ZNF385D: variants seen among roughly 807,000 people sequenced by gnomAD.
ZNF385D encodes zinc finger protein 659.
In ZNF385D, 15 loss-of-function variants were observed where a neutral mutation model predicts 35.8. The observed-to-expected ratio is 0.42, with a 90% CI of 0.28 to 0.64. ZNF385D has a LOEUF of 0.64. Among genes scored for constraint, ZNF385D ranks in the 30% least tolerant of loss-of-function variants. The pLI is 0.23. For missense variants in ZNF385D, 474 were observed against 494.6 expected (o/e 0.96, Z 0.39); for synonymous variants, 212 against 186.8 (o/e 1.13, Z -1.10).
chr3:22,293,011 G>A (rs1408397052), intron 2 of ZNF385D, among the ~76,000 whole-genome samples: 1 of 151,998 alleles, frequency 6.6e-6, no homozygotes, highest in Non-Finnish European at 1.5e-5. Flanking sequence ...TATCTCCATT[G>A]ATTTCAACAG....
intron 2 of ZNF385D, among the ~76,000 whole-genome samples, chr3:22,177,455 T>C (rs1347599873): frequency 6.6e-6 from 1 of 152,180 alleles, no homozygotes; most frequent in Non-Finnish European, 1.5e-5. Flanking sequence ...GACAAATATA[T>C]GTTAAGTACC....
intron 3 of ZNF385D, among the ~76,000 whole-genome samples, chr3:22,003,952 TA>T (rs35328334): frequency 0.28 from 41,222 of 148,800 alleles, 6,202 homozygotes; most frequent in South Asian, 0.43. Flanking sequence ...CAATCCTGAG[TA>T]AAAAAAAACA....
intron 3 of ZNF385D, among the ~76,000 whole-genome samples, chr3:21,520,902 C>T (rs769569601): frequency 2.0e-5 from 3 of 152,134 alleles, no homozygotes; most frequent in Non-Finnish European, 2.9e-5. Flanking sequence ...AAAACCAATA[C>T]AGAGAAATTG....
At chr3:21,712,901 C>A (rs1055788505) in intron 1 of ZNF385D, among the ~76,000 whole-genome samples, 3 of 152,178 alleles carry the variant, frequency 2.0e-5, no homozygotes, top group African/African-American at 7.2e-5. Context: ...AGACTCCTAA[C>A]TGGCTTTAAT....
At chr3:22,366,508 A>C (rs1696663343) in intron 2 of ZNF385D, among the ~76,000 whole-genome samples, 1 of 152,148 alleles carries the variant, frequency 6.6e-6, no homozygotes, top group Non-Finnish European at 1.5e-5. Context: ...AACATATTAA[A>C]ATAATGTACT....
chr3:21,630,091 A>G (rs1161127464), intron 2 of ZNF385D, among the ~76,000 whole-genome samples: 2 of 152,176 alleles, frequency 1.3e-5, no homozygotes, highest in East Asian at 3.9e-4. Context: ...GAGGAAAATT[A>G]AGATGATAAA....
intron 3 of ZNF385D, among the ~76,000 whole-genome samples, chr3:22,015,021 C>A (rs1432774983): frequency 6.6e-6 from 1 of 152,108 alleles, no homozygotes; most frequent in Non-Finnish European, 1.5e-5. Flanking sequence ...ATGTTCACAA[C>A]AAGCATATAT....
At chr3:21,513,210 AAAAAAC>A (rs1037152658) in intron 3 of ZNF385D, among the ~76,000 whole-genome samples, 6 of 152,162 alleles carry the variant, frequency 3.9e-5, no homozygotes, top group South Asian at 2.1e-4. Context: ...GTCTTACACC[AAAAAAC>A]AAAAACAAAA....
chr3:21,446,985 G>A (rs1377785225), intron 4 of ZNF385D, among the ~76,000 whole-genome samples: 2 of 152,076 alleles, frequency 1.3e-5, no homozygotes, highest in Admixed American at 1.3e-4. Context: ...ATTTCTAGGG[G>A]AATTAATTTT....
At position 21,723,676 on chromosome 3, in the gene ZNF385D, G is replaced by A. The variant is rs185541774; in HGVS notation, c.22+27219C>T. The stretch of plus-strand genomic sequence containing the variant: ...GAAAAGACCAAATCTACATTTGATT[G>A]ATGTGCTTGAAAGTGACAGGGAGAA... On this transcript the variant is annotated intron_variant, in intron 1 of 7. Transcript: ENST00000281523. 2.6e-4 allele frequency among the ~76,000 whole-genome samples: 39 copies of A among 152,294 alleles called. 1 individual carries two copies. In the East Asian group the frequency reaches 7.3e-3, roughly 29 times the overall value.
At chr3:21,766,566 T>A (rs558510377) in intron 3 of ZNF385D, among the ~76,000 whole-genome samples, 3 of 152,256 alleles carry the variant, frequency 2.0e-5, no homozygotes, top group African/African-American at 7.2e-5. Flanking sequence ...ATATATCTGC[T>A]TTAAGATGCA....
intron 3 of ZNF385D, among the ~76,000 whole-genome samples, chr3:22,066,616 C>A (rs1217869976): frequency 6.7e-6 from 1 of 148,336 alleles, no homozygotes; most frequent in Non-Finnish European, 1.5e-5. Context: ...GGTTCCCTAT[C>A]TGTGCACCAG....
At chr3:22,009,883 T>C (rs914870613) in intron 3 of ZNF385D, among the ~76,000 whole-genome samples, 2 of 151,720 alleles carry the variant, frequency 1.3e-5, no homozygotes, top group East Asian at 1.9e-4. Context: ...TATAAGCCTA[T>C]AGTTCATAAA....
rs937681257 is a variant in ZNF385D at position 21,900,403 on chromosome 3, A to G, written c.326-235375T>C. ...CCCAGCTTCAACACATGAGAAAAAC[A>G]TTGTGACCTCTTTATAATAATGTTG... On this transcript the variant is annotated intron_variant, in intron 3 of 5. Transcript: ENST00000494108. Among the ~76,000 whole-genome samples the G allele has an allele frequency of 2.0e-5, 3 of 152,320 alleles. No individual in the cohort carries two copies. In the East Asian group the frequency reaches 5.8e-4, roughly 29 times the overall value.
chr3:22,069,207 G>C (rs1242334496), intron 3 of ZNF385D, among the ~76,000 whole-genome samples: 15 of 152,182 alleles, frequency 9.9e-5, no homozygotes, highest in African/African-American at 1.7e-4. Flanking sequence ...AGCTCCAACA[G>C]GGTCTGAGAA....
chr3:22,199,043 A>G (rs1696608592), intron 2 of ZNF385D, among the ~76,000 whole-genome samples: 2 of 152,114 alleles, frequency 1.3e-5, no homozygotes, highest in African/African-American at 4.8e-5. Flanking sequence ...ATCTATGCTT[A>G]TTGATTGGTC....
Position 22,296,338 on chromosome 3 carries a change from G to C in ZNF385D, c.106+76112C>G, listed in dbSNP as rs1238728669. ...TGAACAGCTGGAGGCTGGCATAAAT[G>C]AACTAGTGTCACTTGTTTGAATCAT... is the stretch of plus-strand genomic sequence containing the variant. On this transcript the variant is annotated intron_variant, in intron 2 of 5. Coordinates refer to the ZNF385D transcript ENST00000494108. Among the ~76,000 whole-genome samples the C allele has an allele frequency of 2.6e-5, 4 of 152,264 alleles. No homozygotes were observed. In the East Asian group the frequency reaches 7.7e-4, roughly 29 times the overall value.
chr3:21,860,690 A>C (rs1697000782), intron 3 of ZNF385D, among the ~76,000 whole-genome samples: 1 of 152,140 alleles, frequency 6.6e-6, no homozygotes, highest in Admixed American at 6.6e-5. Flanking sequence ...CAGGCCTCCA[A>C]ACATTTTCTC....
At chr3:21,751,980 A>G (rs1368972377), upstream of ZNF385D, among the ~76,000 whole-genome samples, 2 of 150,410 alleles carry the variant, frequency 1.3e-5, no homozygotes, top group East Asian at 2.0e-4. Flanking sequence ...AGTCACCAAT[A>G]TAATATAGCC....
Sources: allele counts gnomAD v4.1 joint callset (sites outside exome capture counted in the v4.1 genomes callset), GRCh38; gene constraint gnomAD v4.1.1; transcripts MANE v1.5; gene names NCBI Gene and HGNC (gene_info 2026-07-23, HGNC 2026-07-21).